The following ELF2 variants were observed in gnomAD, a reference collection of about 807,000 sequenced individuals.
ELF2 encodes E74 like ETS transcription factor 2, also known as ETS-related transcription factor Elf-2.
ELF2 carries 11 observed loss-of-function variants against 54.8 expected under a neutral mutation model. The ratio of observed to expected loss-of-function variants is 0.20; its 90% CI spans 0.13 to 0.33. ELF2 has a LOEUF of 0.33. ELF2 is among the 10% of genes least tolerant of loss of function. The pLI is 1.00. For missense variants in ELF2, 513 were observed against 703.0 expected (o/e 0.73, Z 3.06); for synonymous variants, 203 against 245.1 (o/e 0.83, Z 1.61).
Position 139,091,276 on chromosome 4 carries a change from TAAAG to T in ELF2, c.239-17713_239-17710del, listed in dbSNP as rs369649272. 6.1e-3 allele frequency among the ~76,000 whole-genome samples: 925 copies of T among 152,108 alleles called. 11 individuals carry two copies. Among genetic ancestry groups the T allele is most frequent in the African/African-American group, 0.021 (890 of 41,496 alleles). Reference sequence around the variant, plus strand: ...AACCCTTGGAATAAAAAGGAAATCATAAAGAAACTAAGAAATATCTAGAAACGAA... The same window carrying T: ...AACCCTTGGAATAAAAAGGAAATCATAAACTAAGAAATATCTAGAAACGAA... On this transcript the variant is annotated intron_variant, in intron 4 of 9. Coordinates refer to ENST00000686138, the MANE Select transcript of ELF2 (RefSeq NM_001331036.3).
intron 4 of ELF2, among the ~76,000 whole-genome samples, chr4:139,090,922 GTT>G (rs1732502975): frequency 6.7e-6 from 1 of 149,734 alleles, no homozygotes; most frequent in East Asian, 1.9e-4. Context: ...GGTTTGTTTT[GTT>G]TTGTTTTGTT....
intron 6 of ELF2, among the ~76,000 whole-genome samples, chr4:139,070,953 G>A (rs1278368158): frequency 6.6e-6 from 1 of 152,098 alleles, no homozygotes; most frequent in Non-Finnish European, 1.5e-5. Context: ...AATGTGAAGA[G>A]TTAGAGAAGA....
intron 1 of ELF2, among the ~76,000 whole-genome samples, chr4:139,151,269 C>A (rs17050697): frequency 2.0e-5 from 3 of 151,846 alleles, no homozygotes; most frequent in Admixed American, 2.0e-4. Flanking sequence ...CATGAACTCA[C>A]AATTAAGAAA....
At position 139,117,040 on chromosome 4, in the gene ELF2, G is replaced by A. The variant is rs139436741; in HGVS notation, c.238+8124C>T. ...ATCATCATCCATCTTTTCAACTAAT[G>A]TTTAAACACAATTTTGTTGATCACT... On this transcript the variant is annotated intron_variant, in intron 4 of 9. Coordinates refer to ENST00000686138, the MANE Select transcript of ELF2 (RefSeq NM_001331036.3). Among the ~76,000 whole-genome samples the A allele has an allele frequency of 3.1e-3, 476 of 152,192 alleles. 1 individual carries two copies. Among genetic ancestry groups the A allele is most frequent in the African/African-American group, 0.011 (440 of 41,518 alleles).
intron 4 of ELF2, among the ~76,000 whole-genome samples, chr4:139,119,250 C>T (rs973510415): frequency 6.6e-6 from 1 of 152,206 alleles, no homozygotes; most frequent in Middle Eastern, 3.2e-3. Flanking sequence ...TTTATTTCCA[C>T]GGCTTTAAAT....
At chr4:139,161,571 G>C (rs552678158) in intron 1 of ELF2, among the ~76,000 whole-genome samples, 1 of 149,956 alleles carries the variant, frequency 6.7e-6, no homozygotes, top group East Asian at 2.0e-4. Context: ...GCTATGAAAA[G>C]GGCGAACAGG....
chr4:139,085,254 C>T (rs1216875532), intron 4 of ELF2, among the ~76,000 whole-genome samples: 1 of 152,130 alleles, frequency 6.6e-6, no homozygotes, highest in Non-Finnish European at 1.5e-5. Flanking sequence ...AAAATGCTTC[C>T]CTGGTTTCAG....
intron 4 of ELF2, among the ~76,000 whole-genome samples, chr4:139,077,749 T>C (rs10857269): frequency 0.41 from 62,821 of 152,062 alleles, 13,433 homozygotes; most frequent in Middle Eastern, 0.5. Context: ...TTAACAGTGT[T>C]GTGCAATCAA....
At chr4:139,076,047 G>A (rs1277223703) in intron 4 of ELF2, among the ~76,000 whole-genome samples, 3 of 152,068 alleles carry the variant, frequency 2.0e-5, no homozygotes, top group Non-Finnish European at 2.9e-5. Context: ...ACTTTTAATT[G>A]GGGGAAAAAA....
At chr4:139,108,527 G>A (rs979831371) in intron 4 of ELF2, among the ~76,000 whole-genome samples, 1 of 151,876 alleles carries the variant, frequency 6.6e-6, no homozygotes, top group African/African-American at 2.4e-5. Context: ...GGAGACCAGG[G>A]TTTCTGGACC....
intron 1 of ELF2, among the ~76,000 whole-genome samples, chr4:139,152,517 G>T (rs1278247460): frequency 6.6e-5 from 10 of 151,952 alleles, no homozygotes; most frequent in Non-Finnish European, 1.3e-4. Flanking sequence ...ATTCTATAGA[G>T]ATGGGGTCTC....
intron 6 of ELF2, among the ~76,000 whole-genome samples, chr4:139,068,178 A>G (rs1000825794): frequency 4.0e-5 from 6 of 151,702 alleles, no homozygotes; most frequent in African/African-American, 1.2e-4. Flanking sequence ...CTGCTACCAC[A>G]CCCAGTCAAT....
rs1016061155 is a variant in ELF2 at position 139,167,667 on chromosome 4, C to T, written c.-252+9300G>A. 3.9e-5 allele frequency among the ~76,000 whole-genome samples: 6 copies of T among 152,314 alleles called. No individual in the cohort carries two copies. In the South Asian group the frequency reaches 1.2e-3, roughly 32 times the overall value. On this transcript the variant is annotated intron_variant, in intron 1 of 9. Transcript: ENST00000686138. Reference sequence around the variant, plus strand: ...TTCTAGGTTCCTCCAATCCAACTTTCTTCCACAGAATTATTAAAACAGAAA... The same window carrying T: ...TTCTAGGTTCCTCCAATCCAACTTTTTTCCACAGAATTATTAAAACAGAAA...
intron 4 of ELF2, among the ~76,000 whole-genome samples, chr4:139,104,793 C>A (rs988231757): frequency 6.6e-6 from 1 of 152,160 alleles, no homozygotes; most frequent in Non-Finnish European, 1.5e-5. Context: ...TAACCAGAGG[C>A]CTTCACTGTC....
At chr4:139,112,345 C>G (rs1490943592) in intron 4 of ELF2, among the ~76,000 whole-genome samples, 1 of 152,182 alleles carries the variant, frequency 6.6e-6, no homozygotes, top group Non-Finnish European at 1.5e-5. Flanking sequence ...ATTCTCATCA[C>G]ATTTTATCAT....
At chr4:139,138,062 G>A (rs1738353328) in intron 2 of ELF2, among the ~76,000 whole-genome samples, 195 bp from the exon 3 acceptor site, 1 of 152,174 alleles carries the variant, frequency 6.6e-6, no homozygotes, top group Non-Finnish European at 1.5e-5. Flanking sequence ...TGAACATACT[G>A]AATTAAGTTC....
chr4:139,114,567 A>T (rs1291334626), intron 4 of ELF2, among the ~76,000 whole-genome samples: 43 of 97,404 alleles, frequency 4.4e-4, no homozygotes, highest in Admixed American at 1.4e-3. Flanking sequence ...AGTCTCACAC[A>T]CACACACACA....
At chr4:139,127,472 C>T (rs1578870928) in intron 3 of ELF2, among the ~76,000 whole-genome samples, 1 of 152,122 alleles carries the variant, frequency 6.6e-6, no homozygotes, top group South Asian at 2.1e-4. Flanking sequence ...TAATATTGCC[C>T]TTTCCTAACT....
intron 1 of ELF2, among the ~76,000 whole-genome samples, chr4:139,162,895 A>G (rs1388200116): frequency 1.3e-5 from 2 of 152,104 alleles, no homozygotes; most frequent in African/African-American, 4.8e-5. Context: ...CCAGGAGTCC[A>G]AGACCAGCCT....
Sources: gnomAD v4.1 joint callset for allele counts (sites outside exome capture counted in the v4.1 genomes callset) on GRCh38, gnomAD v4.1.1 for gene constraint, MANE v1.5 for transcripts, NCBI Gene and HGNC (gene_info 2026-07-23, HGNC 2026-07-21) for gene names.